Variants in ADAMTS16 observed in about 807,000 individuals in gnomAD.
ADAMTS16 encodes the protein ADAM metallopeptidase with thrombospondin type 1 motif 16, also known as A disintegrin and metalloproteinase with thrombospondin motifs 16.
A neutral mutation model predicts 145.8 loss-of-function variants in ADAMTS16; 94 were observed. The ratio of observed to expected loss-of-function variants is 0.64; its 90% CI spans 0.55 to 0.77. The LOEUF (loss-of-function observed/expected upper bound fraction) is 0.77, where lower values mean the gene tolerates loss of function less well. Among genes scored for constraint, ADAMTS16 ranks in the 30% least tolerant of loss-of-function variants. ADAMTS16 has a pLI of 0.00. For missense variants in ADAMTS16, 1,585 were observed against 1,591.5 expected, an observed-to-expected ratio of 1.00 and a Z score of 0.07; for synonymous variants, 659 against 604.3, an observed-to-expected ratio of 1.09 and a Z score of -1.33.
chr5:5,201,113 C>T (rs961598538), intron 9 of ADAMTS16, among the ~76,000 whole-genome samples: 2 of 152,200 alleles, frequency 1.3e-5, no homozygotes, highest in Non-Finnish European at 2.9e-5. Context: ...CAGGTTTCTT[C>T]CATCCTGTGA....
Position 5,250,050 on chromosome 5 carries a change from C to T in ADAMTS16, c.2662+7859C>T, listed in dbSNP as rs548283141. Among the ~76,000 whole-genome samples the T allele has an allele frequency of 8.5e-5, 13 of 152,314 alleles. No homozygotes were observed. The South Asian group carries it at 2.1e-3, about 24-fold the overall frequency. Reference sequence around the variant, plus strand: ...CTCGATGTTCACATGCTTCTCTCTTCCGTGTATGTGTGTGTCCACTGAGTC... The same window carrying T: ...CTCGATGTTCACATGCTTCTCTCTTTCGTGTATGTGTGTGTCCACTGAGTC... On this transcript the variant is annotated intron_variant, in intron 17 of 22. Coordinates refer to ENST00000274181, the MANE Select transcript of ADAMTS16 (RefSeq NM_139056.4).
At chr5:5,282,639 T>C (rs1738964948) in intron 18 of ADAMTS16, among the ~76,000 whole-genome samples, 1 of 152,238 alleles carries the variant, frequency 6.6e-6, no homozygotes, top group Non-Finnish European at 1.5e-5. Context: ...AACACTTGTC[T>C]TTCTTAGAAG....
At chr5:5,290,684 G>A (rs11134106) in intron 18 of ADAMTS16, among the ~76,000 whole-genome samples, 53,022 of 152,048 alleles carry the variant, frequency 0.35, 10,632 homozygotes, top group East Asian at 0.61. Context: ...AAATAGAGGC[G>A]CTAAAATTCT....
intron 10 of ADAMTS16, among the ~76,000 whole-genome samples, chr5:5,209,607 A>G (rs2126316516): frequency 6.6e-6 from 1 of 152,248 alleles, no homozygotes. Flanking sequence ...CTCTCTCCCA[A>G]TATAAGCATA....
chr5:5,187,898 G>T (rs1275570947), intron 6 of ADAMTS16, 90 bp downstream of exon 6: 4 of 863,614 alleles, frequency 4.6e-6, no homozygotes, highest in Non-Finnish European at 7.2e-6. Flanking sequence ...TTGTTCTATG[G>T]GTTCTTCTCT....
At chr5:5,236,296 CT>C (rs1301713527) in intron 13 of ADAMTS16, among the ~76,000 whole-genome samples, 1,773 of 117,190 alleles carry the variant, frequency 0.015, 38 homozygotes, top group African/African-American at 0.048. Flanking sequence ...TTAATTGTCC[CT>C]CCCCTTTTTT....
At position 5,190,123 on chromosome 5, in the gene ADAMTS16, C is replaced by A. The variant is rs1049598728; in HGVS notation, c.1200C>A (p.Asp400Glu). 1 of 1,594,410 alleles carries A rather than the reference C, an allele frequency of 6.3e-7. No homozygotes were observed. Among genetic ancestry groups the A allele is most frequent in the Non-Finnish European group, 8.5e-7 (1 of 1,170,072 alleles). Residue 400 changes from aspartate (D) to glutamate (E), a missense_variant, in exon 7 of 23, where the codon GAC (aspartate) becomes GAA (glutamate). This residue lies in a region of ADAMTS16 where 298 missense variants were observed against 367.6 expected (regional missense o/e 0.81). Transcript: ENST00000274181. ...GTTCCTGGAAGAATGAGCCCTGTGA[C>A]ACTTTGGGTGAGAACCTCCAGCAGA... The part of the protein sequence containing the change: ...DICSWKNEPC[D>E]TLGFAPISGM...
At chr5:5,215,836 G>A (rs1579316874) in intron 10 of ADAMTS16, among the ~76,000 whole-genome samples, 1 of 65,304 alleles carries the variant, frequency 1.5e-5, no homozygotes, top group African/African-American at 5.7e-5. Flanking sequence ...ATATATATGT[G>A]GTGTGTATAT....
intron 17 of ADAMTS16, among the ~76,000 whole-genome samples, chr5:5,260,517 T>C (rs75252161): frequency 2.0e-5 from 3 of 152,338 alleles, no homozygotes; most frequent in Non-Finnish European, 2.9e-5. Context: ...AATATATAAT[T>C]CTGCCAAGTT....
At chr5:5,206,104 ATTGTGAG>A (rs1736099326) in intron 9 of ADAMTS16, among the ~76,000 whole-genome samples, 1 of 152,148 alleles carries the variant, frequency 6.6e-6, no homozygotes. Flanking sequence ...TGTATGATCC[ATTGTGAG>A]TTAGTTTTTG....
chr5:5,311,865 C>T (rs557736618), intron 21 of ADAMTS16, among the ~76,000 whole-genome samples: 157 of 151,888 alleles, frequency 1.0e-3, no homozygotes, highest in African/African-American at 3.6e-3. Context: ...TACAGGCACC[C>T]GCCACCACGC....
intron 11 of ADAMTS16, among the ~76,000 whole-genome samples, chr5:5,226,822 G>C (rs986798576): frequency 2.6e-5 from 4 of 152,156 alleles, no homozygotes; most frequent in African/African-American, 9.7e-5. Context: ...CAGCCCTACA[G>C]GTGAGCCTAG....
intron 10 of ADAMTS16, among the ~76,000 whole-genome samples, chr5:5,219,161 G>A (rs1736522254): frequency 6.6e-6 from 1 of 151,504 alleles, no homozygotes; most frequent in Non-Finnish European, 1.5e-5. Context: ...TATCAATACA[G>A]GCGTACAATG....
At chr5:5,253,930 C>T (rs542219904) in intron 17 of ADAMTS16, among the ~76,000 whole-genome samples, 12 of 152,258 alleles carry the variant, frequency 7.9e-5, no homozygotes, top group South Asian at 4.2e-4. Context: ...GATGGTTTAT[C>T]GAATGCTTTT....
intron 18 of ADAMTS16, among the ~76,000 whole-genome samples, chr5:5,268,142 T>G (rs999075189): frequency 6.6e-6 from 1 of 152,212 alleles, no homozygotes; most frequent in Non-Finnish European, 1.5e-5. Context: ...CACTCTCCCT[T>G]GGGGCTGTTC....
At chr5:5,201,998 T>C (rs1458430782) in intron 9 of ADAMTS16, among the ~76,000 whole-genome samples, 1 of 152,186 alleles carries the variant, frequency 6.6e-6, no homozygotes, top group African/African-American at 2.4e-5. Flanking sequence ...GTCTTCTTAT[T>C]TCTAAGACAC....
intron 3 of ADAMTS16, among the ~76,000 whole-genome samples, chr5:5,168,626 TA>T (rs1364206404): frequency 1.2e-5 from 1 of 85,582 alleles, no homozygotes. Context: ...TATATTATAT[TA>T]TATATAATAT....
chr5:5,275,594 A>C (rs1413275719), intron 18 of ADAMTS16, among the ~76,000 whole-genome samples: 1 of 152,130 alleles, frequency 6.6e-6, no homozygotes, highest in Non-Finnish European at 1.5e-5. Context: ...TTAAAATTCC[A>C]CTTTGTATTG....
Position 5,187,572 on chromosome 5 carries a change from G to A in ADAMTS16, c.964-153G>A, listed in dbSNP as rs1321044957. On this transcript the variant is annotated intron_variant, in intron 5 of 22. Coordinates refer to ENST00000274181, the MANE Select transcript of ADAMTS16 (RefSeq NM_139056.4). Reference sequence around the variant, plus strand: ...CCAGCTGAAGCTTCGGCTTTTTACCGTGATATGATTAATACATCTGTCTGC... The same window carrying A: ...CCAGCTGAAGCTTCGGCTTTTTACCATGATATGATTAATACATCTGTCTGC... Among the ~76,000 whole-genome samples the A allele has an allele frequency of 4.6e-5, 7 of 152,194 alleles. 1 individual carries two copies. The highest frequency in any genetic ancestry group is 1.3e-4 in the Admixed American group (2 of 15,282).
Sources: allele counts gnomAD v4.1 joint callset (sites outside exome capture counted in the v4.1 genomes callset), GRCh38; gene constraint gnomAD v4.1.1; regional missense constraint gnomAD v4.1.1; transcripts MANE v1.5; gene names NCBI Gene and HGNC (gene_info 2026-07-23, HGNC 2026-07-21).